PLCL1: variants seen among roughly 807,000 people sequenced by gnomAD.
PLCL1 encodes inactive phospholipase C-like protein 1.
PLCL1 carries 41 observed loss-of-function variants against 84.4 expected under a neutral mutation model. The observed-to-expected ratio is 0.49, with a 90% CI of 0.38 to 0.63. PLCL1 has a LOEUF of 0.63. Among genes scored for constraint, PLCL1 ranks in the 30% least tolerant of loss-of-function variants. The probability of loss-of-function intolerance (pLI) is 0.00; values close to 1 mark genes in which losing one functional copy is unlikely to be tolerated. For missense variants in PLCL1, 1,206 were observed against 1,367.8 expected, an observed-to-expected ratio of 0.88 and a Z score of 1.87; for synonymous variants, 490 against 488.3, an observed-to-expected ratio of 1.00 and a Z score of -0.05.
chr2:198,044,560 T>C (rs1691743111), intron 1 of PLCL1, among the ~76,000 whole-genome samples: 1 of 152,202 alleles, frequency 6.6e-6, no homozygotes, highest in Non-Finnish European at 1.5e-5. Flanking sequence ...GTACTAATTT[T>C]ATTATGTAAA....
At chr2:198,006,050 G>A (rs949376387) in intron 1 of PLCL1, among the ~76,000 whole-genome samples, 4 of 152,166 alleles carry the variant, frequency 2.6e-5, no homozygotes, top group African/African-American at 9.7e-5. Context: ...ATGATTCCTA[G>A]GTATCTAGAA....
intron 5 of PLCL1, among the ~76,000 whole-genome samples, chr2:198,119,983 T>C (rs1464760232): frequency 6.6e-6 from 1 of 152,016 alleles, no homozygotes; most frequent in East Asian, 1.9e-4. Context: ...AAGGTCACTG[T>C]AGATGCCTGT....
chr2:197,987,324 A>G (rs372077027), intron 1 of PLCL1, among the ~76,000 whole-genome samples: 3 of 152,220 alleles, frequency 2.0e-5, no homozygotes, highest in African/African-American at 7.2e-5. Flanking sequence ...ATAAGTCCAG[A>G]TTTCCAACTT....
intron 1 of PLCL1, among the ~76,000 whole-genome samples, chr2:197,878,594 C>T (rs1244554731): frequency 6.6e-6 from 1 of 152,058 alleles, no homozygotes; most frequent in African/African-American, 2.4e-5. Context: ...TGAAAGTGCT[C>T]CAGAAATTAT....
At chr2:198,054,334 G>T (rs1026001122) in intron 1 of PLCL1, among the ~76,000 whole-genome samples, 5 of 152,178 alleles carry the variant, frequency 3.3e-5, no homozygotes, top group African/African-American at 1.2e-4. Context: ...GGACCTAACA[G>T]ACATATGCAG....
At chr2:197,972,320 G>A (rs1446639388) in intron 1 of PLCL1, among the ~76,000 whole-genome samples, 1 of 152,138 alleles carries the variant, frequency 6.6e-6, no homozygotes, top group Admixed American at 6.5e-5. Context: ...AATAAATTCA[G>A]TATGAAGGCA....
rs574544844 is a variant in PLCL1 at position 197,891,841 on chromosome 2, T to A, written c.240+86502T>A. Among the ~76,000 whole-genome samples, 9 of 152,268 alleles carry A rather than the reference T, an allele frequency of 5.9e-5. No homozygotes were observed. In the South Asian group the frequency reaches 1.7e-3, roughly 28 times the overall value. On this transcript the variant is annotated intron_variant, in intron 1 of 5. Coordinates refer to ENST00000428675, the MANE Select transcript of PLCL1 (RefSeq NM_006226.4). The stretch of plus-strand genomic sequence containing the variant: ...TCTTGTGAAAATATACATTCCTACT[T>A]GATAGTTCAGGGTTAGGATCTGAGA...
chr2:197,988,833 C>T (rs553595177), intron 1 of PLCL1, among the ~76,000 whole-genome samples: 39 of 152,272 alleles, frequency 2.6e-4, no homozygotes, highest in Admixed American at 4.6e-4. Context: ...AATTTATGTT[C>T]CCACCAGCAG....
At chr2:197,885,994 G>A (rs1312620722) in intron 1 of PLCL1, among the ~76,000 whole-genome samples, 1 of 152,138 alleles carries the variant, frequency 6.6e-6, no homozygotes, top group Non-Finnish European at 1.5e-5. Context: ...TGAAAGAATG[G>A]TGAATTTGAA....
chr2:198,066,771 C>T (rs540624792), intron 1 of PLCL1, among the ~76,000 whole-genome samples: 76 of 152,072 alleles, frequency 5.0e-4, no homozygotes, highest in Non-Finnish European at 9.0e-4. Context: ...TCAGGATCTT[C>T]CCGTGCTGTT....
In PLCL1 at chr2:198,015,862, T is replaced by C. The variant is rs149356950; in HGVS notation, c.241-67896T>C. ...TTTGAGTGCTCATTTGAAAACACTT[T>C]ATAGTAAAACAGTGGTGCTTAGAAT... On this transcript the variant is annotated intron_variant, in intron 1 of 5. Coordinates refer to ENST00000428675, the MANE Select transcript of PLCL1 (RefSeq NM_006226.4). Among the ~76,000 whole-genome samples, 288 of 152,252 alleles carry C rather than the reference T, an allele frequency of 1.9e-3. 5 individuals are homozygous for C. Among genetic ancestry groups the C allele is most frequent in the East Asian group, 0.014 (72 of 5,192 alleles).
intron 1 of PLCL1, among the ~76,000 whole-genome samples, chr2:198,044,280 C>G (rs573594362): frequency 1.1e-4 from 16 of 152,190 alleles, no homozygotes; most frequent in African/African-American, 3.9e-4. Context: ...TACAGTGTTA[C>G]TGAAACCTGC....
intron 3 of PLCL1, among the ~76,000 whole-genome samples, chr2:198,094,251 C>T (rs933739700): frequency 1.3e-5 from 2 of 152,058 alleles, no homozygotes; most frequent in East Asian, 1.9e-4. Context: ...TTAGTAGAGA[C>T]AGGGTTTCAC....
chr2:198,081,665 A>G (rs1350591489), intron 1 of PLCL1, among the ~76,000 whole-genome samples: 1 of 152,250 alleles, frequency 6.6e-6, no homozygotes, highest in African/African-American at 2.4e-5. Flanking sequence ...GGTAATTTAT[A>G]TCATTGTCAC....
chr2:198,021,110 T>C (rs1691122814), intron 1 of PLCL1, among the ~76,000 whole-genome samples: 1 of 152,002 alleles, frequency 6.6e-6, no homozygotes, highest in Non-Finnish European at 1.5e-5. Flanking sequence ...AAAACCAAAC[T>C]ACTACATGGA....
rs150647327 is a variant in PLCL1 at position 198,145,422 on chromosome 2, G to T, written c.3106-1358G>T. Among the ~76,000 whole-genome samples, 378 of 152,264 alleles carry T rather than the reference G, an allele frequency of 2.5e-3. 1 individual carries two copies. The highest frequency in any genetic ancestry group is 4.4e-3 in the Non-Finnish European group (297 of 68,024). ...AGAGCATTGATGCAGGAGGCCAAAGGCCTGAACTTTAGTCCCAGCTCAGCG... is the reference window on the plus strand; with the variant it reads ...AGAGCATTGATGCAGGAGGCCAAAGTCCTGAACTTTAGTCCCAGCTCAGCG... On this transcript the variant is annotated intron_variant, in intron 5 of 5. Transcript: ENST00000428675.
At chr2:197,826,075 C>G (rs78195751) in intron 1 of PLCL1, among the ~76,000 whole-genome samples, 2,330 of 152,270 alleles carry the variant, frequency 0.015, 65 homozygotes, top group African/African-American at 0.052. Context: ...ATTTCCTTCT[C>G]GGAGGCTTTT....
intron 1 of PLCL1, among the ~76,000 whole-genome samples, chr2:197,968,453 A>G (rs1426490459): frequency 6.6e-6 from 1 of 152,222 alleles, no homozygotes; most frequent in African/African-American, 2.4e-5. Context: ...AAATGATAAT[A>G]ACAAAAGTAT....
chr2:198,127,008 GTGT>G (rs1230850979), intron 5 of PLCL1, among the ~76,000 whole-genome samples: 161 of 52,790 alleles, frequency 3.0e-3, no homozygotes, highest in East Asian at 0.018. Context: ...GTGTGTGTGT[GTGT>G]GGGGGGTGGT....
Sources: allele counts gnomAD v4.1 joint callset (sites outside exome capture counted in the v4.1 genomes callset), GRCh38; gene constraint gnomAD v4.1.1; transcripts MANE v1.5; gene names NCBI Gene and HGNC (gene_info 2026-07-23, HGNC 2026-07-21).